The following MEIKIN variants were observed in gnomAD, a reference collection of about 807,000 sequenced individuals.
MEIKIN encodes the protein meiotic kinetochore factor.
chr5:131,933,855 T>C (rs1370395647), intron 4 of MEIKIN, among the ~76,000 whole-genome samples: 1 of 152,194 alleles, frequency 6.6e-6, no homozygotes, highest in Non-Finnish European at 1.5e-5. Flanking sequence ...ATAAATTTGT[T>C]ATAATCCCCT....
chr5:131,942,174 G>A (rs552001997), intron 4 of MEIKIN, among the ~76,000 whole-genome samples: 3 of 152,278 alleles, frequency 2.0e-5, no homozygotes, highest in African/African-American at 4.8e-5. Flanking sequence ...CCTCAAACTG[G>A]TTGTCTAATC....
chr5:131,874,373 C>T (rs373976905), intron 9 of MEIKIN, among the ~76,000 whole-genome samples: 37 of 152,272 alleles, frequency 2.4e-4, no homozygotes, highest in Middle Eastern at 3.4e-3. Flanking sequence ...AACACCTCTA[C>T]GCAAATAAAC....
chr5:131,850,456 C>T (rs531475664), intron 11 of MEIKIN, among the ~76,000 whole-genome samples: 1 of 152,092 alleles, frequency 6.6e-6, no homozygotes, highest in African/African-American at 2.4e-5. Flanking sequence ...GTAATCAAAG[C>T]CATATGGTAC....
chr5:131,857,594 C>T (rs1449878285), intron 9 of MEIKIN, among the ~76,000 whole-genome samples: 1 of 152,164 alleles, frequency 6.6e-6, no homozygotes, highest in East Asian at 1.9e-4. Flanking sequence ...CCCAGGGGCC[C>T]TTCTCATAGC....
intron 4 of MEIKIN, among the ~76,000 whole-genome samples, chr5:131,940,523 T>G (rs892874861): frequency 1.3e-5 from 2 of 152,260 alleles, no homozygotes; most frequent in Non-Finnish European, 2.9e-5. Context: ...TAGTTCTGTT[T>G]GTTTCATTTG....
rs1054910691 is a variant in MEIKIN, at chr5:131,905,751, G to A, written c.703+6064C>T. Among the ~76,000 whole-genome samples, 3 of 152,154 alleles carry A rather than the reference G, an allele frequency of 2.0e-5. No homozygotes were observed. In the East Asian group the frequency reaches 5.8e-4, roughly 29 times the overall value. ...ACCCAAACATAACCACCAGATCTTT[G>A]ACAAATCTACCAAAACAAGCAATGG... On this transcript the variant is annotated intron_variant, in intron 8 of 12. Transcript: ENST00000442687.
chr5:131,865,602 TTCCTGTG>T (rs1750369885), intron 9 of MEIKIN, among the ~76,000 whole-genome samples: 1 of 152,250 alleles, frequency 6.6e-6, no homozygotes, highest in South Asian at 2.1e-4. Context: ...TTTTTCAAGT[TTCCTGTG>T]TCCTTACATT....
chr5:131,809,022 C>G (rs989794062), intron 12 of MEIKIN, among the ~76,000 whole-genome samples: 1 of 151,976 alleles, frequency 6.6e-6, no homozygotes. Flanking sequence ...GTGATCACAC[C>G]ACTGCACTCC....
At chr5:131,933,170 A>G (rs1751717187) in intron 5 of MEIKIN, among the ~76,000 whole-genome samples, 2 of 152,246 alleles carry the variant, frequency 1.3e-5, no homozygotes, top group Admixed American at 1.3e-4. Flanking sequence ...CTAACATTTA[A>G]GTTATTTGCT....
chr5:131,912,138 C>CTTTA (rs1751343420), intron 7 of MEIKIN, among the ~76,000 whole-genome samples: 1 of 152,006 alleles, frequency 6.6e-6, no homozygotes, highest in Non-Finnish European at 1.5e-5. Flanking sequence ...ACAGACCTTG[C>CTTTA]TTTAAACTCC....
chr5:131,898,510 C>T (rs1751093748), intron 8 of MEIKIN, among the ~76,000 whole-genome samples: 1 of 152,240 alleles, frequency 6.6e-6, no homozygotes, highest in South Asian at 2.1e-4. Context: ...GCCTTTTGTT[C>T]AGCTATGCCC....
At chr5:131,904,379 T>C (rs112450253) in intron 8 of MEIKIN, among the ~76,000 whole-genome samples, 1 of 152,214 alleles carries the variant, frequency 6.6e-6, no homozygotes, top group South Asian at 2.1e-4. Context: ...TCTCCTTATA[T>C]GCACATGGCA....
intron 8 of MEIKIN, among the ~76,000 whole-genome samples, chr5:131,907,994 C>G (rs926457203): frequency 6.6e-6 from 1 of 152,082 alleles, no homozygotes; most frequent in Non-Finnish European, 1.5e-5. Flanking sequence ...CTGTTGAATT[C>G]TACCAAATAT....
chr5:131,807,019 A>T lies in MEIKIN; in HGVS notation c.*217T>A, dbSNP rs1241115787. The T allele has an allele frequency of 5.6e-6, 2 of 356,848 alleles. No homozygotes were observed. The highest frequency in any genetic ancestry group is 8.2e-5 in the East Asian group (2 of 24,328). The allele number at this position is 356,848 out of a possible 1,614,324, so 22.1% of individuals were successfully genotyped here. On this transcript the variant is annotated 3_prime_UTR_variant, in exon 13 of 13. Coordinates refer to ENST00000442687, the MANE Select transcript of MEIKIN (RefSeq NM_001303622.2). ...GTTCTTTATCTTTTAATATAAATACATATATTTAAGAAGCATATGGAATAA... is the reference window on the plus strand; with the variant it reads ...GTTCTTTATCTTTTAATATAAATACTTATATTTAAGAAGCATATGGAATAA...
At chr5:131,894,818 C>T (rs1225145013) in intron 8 of MEIKIN, among the ~76,000 whole-genome samples, 4 of 152,176 alleles carry the variant, frequency 2.6e-5, no homozygotes, top group Non-Finnish European at 4.4e-5. Context: ...ATGGGGTTTT[C>T]TAGATATACA....
At chr5:131,815,006 T>C (rs1404964037) in intron 12 of MEIKIN, among the ~76,000 whole-genome samples, 2 of 152,204 alleles carry the variant, frequency 1.3e-5, no homozygotes, top group African/African-American at 4.8e-5. Flanking sequence ...ACTTCCATCA[T>C]GGAAGGGGTA....
intron 8 of MEIKIN, among the ~76,000 whole-genome samples, chr5:131,906,754 C>A (rs1394420972): frequency 6.6e-6 from 1 of 152,070 alleles, no homozygotes; most frequent in African/African-American, 2.4e-5. Context: ...TCTAAGCAAA[C>A]TAATACAGGA....
At chr5:131,815,892 T>C (rs976307741) in intron 12 of MEIKIN, among the ~76,000 whole-genome samples, 7 of 152,240 alleles carry the variant, frequency 4.6e-5, no homozygotes, top group African/African-American at 1.7e-4. Context: ...GAATATGGCA[T>C]GGGTAATAGA....
At chr5:131,836,619 G>A (rs996318540) in intron 11 of MEIKIN, among the ~76,000 whole-genome samples, 14 of 151,536 alleles carry the variant, frequency 9.2e-5, no homozygotes, top group Non-Finnish European at 1.8e-4. Flanking sequence ...ATCTCATTGT[G>A]GTTTTGACTA....
Sources: allele counts gnomAD v4.1 joint callset (sites outside exome capture counted in the v4.1 genomes callset), GRCh38; gene constraint gnomAD v4.1.1; transcripts MANE v1.5; gene names NCBI Gene and HGNC (gene_info 2026-07-23, HGNC 2026-07-21).